GRID2: variants seen among roughly 807,000 people sequenced by gnomAD.
The protein encoded by GRID2 is glutamate receptor ionotropic, delta-2.
A neutral mutation model predicts 114.8 loss-of-function variants in GRID2; 33 were observed. The observed-to-expected ratio is 0.29, with a 90% confidence interval of 0.22 to 0.38. GRID2 has a LOEUF of 0.38. GRID2 is among the 10% of genes least tolerant of loss of function. The pLI is 1.00. For missense variants in GRID2, 1,184 were observed against 1,257.7 expected, an observed-to-expected ratio of 0.94 and a Z score of 0.89; for synonymous variants, 505 against 449.9, an observed-to-expected ratio of 1.12 and a Z score of -1.55.
At chr4:92,682,143 G>T (rs1015693125) in intron 2 of GRID2, among the ~76,000 whole-genome samples, 1 of 151,774 alleles carries the variant, frequency 6.6e-6, no homozygotes, top group Non-Finnish European at 1.5e-5. Flanking sequence ...AATATAGATA[G>T]AATCATTTTA....
At chr4:93,009,143 A>G (rs1010887942) in intron 2 of GRID2, among the ~76,000 whole-genome samples, 4 of 152,206 alleles carry the variant, frequency 2.6e-5, no homozygotes, top group African/African-American at 9.6e-5. Flanking sequence ...TATGAATAAA[A>G]GAATGGAGAT....
intron 2 of GRID2, among the ~76,000 whole-genome samples, chr4:92,896,786 A>G (rs1445362638): frequency 6.6e-6 from 1 of 152,132 alleles, no homozygotes; most frequent in African/African-American, 2.4e-5. Flanking sequence ...TCTGTCGCCC[A>G]GGCTGGAGTG....
chr4:93,678,382 A>G (rs886443483), intron 14 of GRID2, among the ~76,000 whole-genome samples: 1 of 152,190 alleles, frequency 6.6e-6, no homozygotes, highest in African/African-American at 2.4e-5. Flanking sequence ...AACTTCCCCA[A>G]TCTAGCAAGG....
intron 1 of GRID2, among the ~76,000 whole-genome samples, 186 bp downstream of exon 1, chr4:92,304,930 CGACT>C: frequency 6.6e-6 from 1 of 152,196 alleles, no homozygotes; most frequent in Non-Finnish European, 1.5e-5. Flanking sequence ...GCTCGAACCT[CGACT>C]GACTTGTGCT....
chr4:92,565,906 C>A (rs1444334379), intron 1 of GRID2, among the ~76,000 whole-genome samples: 3 of 151,996 alleles, frequency 2.0e-5, no homozygotes, highest in Non-Finnish European at 2.9e-5. Flanking sequence ...TATTAATTCA[C>A]AGTTTTGTAT....
chr4:93,725,727 TG>T (rs1279989527), intron 14 of GRID2, among the ~76,000 whole-genome samples: 1 of 151,860 alleles, frequency 6.6e-6, no homozygotes, highest in Non-Finnish European at 1.5e-5. Context: ...ATTTCTCTGA[TG>T]GCCAGTGATG....
intron 2 of GRID2, among the ~76,000 whole-genome samples, chr4:93,063,716 G>A (rs1162755363): frequency 1.3e-5 from 2 of 151,720 alleles, no homozygotes; most frequent in Non-Finnish European, 3.0e-5. Context: ...TGGAATCAGA[G>A]CTTACATCTT....
chr4:92,723,397 C>T (rs1210771594), intron 2 of GRID2, among the ~76,000 whole-genome samples: 1 of 152,088 alleles, frequency 6.6e-6, no homozygotes, highest in Non-Finnish European at 1.5e-5. Context: ...TGTTTGATGA[C>T]AGTATATGTT....
intron 2 of GRID2, among the ~76,000 whole-genome samples, chr4:92,988,728 G>T (rs538909567): frequency 6.6e-6 from 1 of 152,204 alleles, no homozygotes; most frequent in Non-Finnish European, 1.5e-5. Context: ...ATCCCTGGAA[G>T]AATATAGAAA....
At chr4:93,456,755 G>A (rs1364079762) in intron 11 of GRID2, among the ~76,000 whole-genome samples, 6 of 152,110 alleles carry the variant, frequency 3.9e-5, no homozygotes, top group Non-Finnish European at 8.8e-5. Flanking sequence ...TTATACTTTT[G>A]TGCTAATATT....
At chr4:93,086,018 T>C (rs961347288) in intron 3 of GRID2, among the ~76,000 whole-genome samples, 3 of 152,124 alleles carry the variant, frequency 2.0e-5, no homozygotes, top group Non-Finnish European at 4.4e-5. Flanking sequence ...TTTATCTACC[T>C]TTTTTCTAAC....
intron 8 of GRID2, among the ~76,000 whole-genome samples, chr4:93,276,555 A>G (rs956621182): frequency 2.6e-5 from 4 of 152,008 alleles, no homozygotes; most frequent in African/African-American, 9.7e-5. Context: ...TTATCTTCCA[A>G]TACATGAGCA....
chr4:93,195,043 T>C (rs1287826332), intron 4 of GRID2, among the ~76,000 whole-genome samples: 1 of 152,236 alleles, frequency 6.6e-6, no homozygotes, highest in Non-Finnish European at 1.5e-5. Flanking sequence ...ATAATTTTAA[T>C]TTCTCAAGAA....
intron 7 of GRID2, among the ~76,000 whole-genome samples, chr4:93,230,592 G>T (rs1746015286): frequency 6.6e-6 from 1 of 151,902 alleles, no homozygotes; most frequent in Non-Finnish European, 1.5e-5. Context: ...CTATTTTTAG[G>T]TGTACAGAAC....
rs879367445 is a variant in GRID2, at chr4:92,611,116, ATG to A, written c.244+20843_244+20844del. 9.8e-4 allele frequency among the ~76,000 whole-genome samples: 120 copies of A among 121,830 alleles called. 1 individual carries two copies. The highest frequency in any genetic ancestry group is 4.2e-3 in the East Asian group (16 of 3,804). The allele number at this position is 121,830 out of a possible 152,430, so 79.9% of individuals were successfully genotyped here. On this transcript the variant is annotated intron_variant, in intron 2 of 15. Transcript: ENST00000282020. ...TATGTGTGTGTGTATATGTGTGTGT[ATG>A]TGTGTGTGTGTGCATGTGTGTGTGT...
chr4:92,605,960 C>T (rs1397812034), intron 2 of GRID2, among the ~76,000 whole-genome samples: 1 of 152,048 alleles, frequency 6.6e-6, no homozygotes. Flanking sequence ...ATTTTAAATT[C>T]ACCTGCTATA....
chr4:93,436,979 A>G (rs1168152400), intron 10 of GRID2, among the ~76,000 whole-genome samples: 1 of 152,144 alleles, frequency 6.6e-6, no homozygotes, highest in East Asian at 1.9e-4. Flanking sequence ...TAAATGTGTT[A>G]TATATGCTTG....
chr4:93,656,557 G>T (rs187686755), intron 14 of GRID2, among the ~76,000 whole-genome samples: 13 of 151,950 alleles, frequency 8.6e-5, no homozygotes, highest in Admixed American at 5.9e-4. Context: ...TAGGCCGAGC[G>T]CGGTGGCTCA....
chr4:92,934,122 A>T (rs1304378089), intron 2 of GRID2, among the ~76,000 whole-genome samples: 1 of 151,710 alleles, frequency 6.6e-6, no homozygotes, highest in Non-Finnish European at 1.5e-5. Flanking sequence ...TACTTTAGAA[A>T]TTTAAATGCC....
Sources: gnomAD v4.1 joint callset for allele counts (sites outside exome capture counted in the v4.1 genomes callset) on GRCh38, gnomAD v4.1.1 for gene constraint, MANE v1.5 for transcripts, NCBI Gene and HGNC (gene_info 2026-07-23, HGNC 2026-07-21) for gene names.